Variants in NEK10 observed in about 807,000 individuals in gnomAD.
The protein encoded by NEK10 is NIMA related kinase 10.
In NEK10, 122 loss-of-function variants were observed where a neutral mutation model predicts 159.8. That is an observed-to-expected ratio of 0.76 (90% confidence interval 0.66 to 0.89). NEK10 has a LOEUF of 0.89. NEK10 is among the 40% of genes least tolerant of loss of function. The pLI is 0.00. For synonymous variants in NEK10, 466 were observed against 457.1 expected, an observed-to-expected ratio of 1.02 and a Z score of -0.25; for missense variants, 1,342 against 1,323.1, an observed-to-expected ratio of 1.01 and a Z score of -0.22.
intron 26 of NEK10, among the ~76,000 whole-genome samples, chr3:27,191,629 T>C (rs1244780071): frequency 6.6e-6 from 1 of 152,194 alleles, no homozygotes; most frequent in Non-Finnish European, 1.5e-5. Context: ...CAAAGTACAA[T>C]ACGAAAAATT....
chr3:27,194,031 G>T (rs150871371), intron 25 of NEK10: 3 of 152,068 alleles, frequency 2.0e-5, no homozygotes, highest in African/African-American at 7.2e-5. Context: ...TTTGGCCATA[G>T]ACTTTTGGAT....
chr3:27,285,592 A>G (rs1450934342), intron 20 of NEK10, among the ~76,000 whole-genome samples: 2 of 152,144 alleles, frequency 1.3e-5, no homozygotes, highest in East Asian at 3.9e-4. Context: ...TTACAGATAC[A>G]GAGAACTTCA....
chr3:27,113,981 T>G (rs113859232), intron 35 of NEK10, among the ~76,000 whole-genome samples: 1,879 of 152,228 alleles, frequency 0.012, 39 homozygotes, highest in African/African-American at 0.043. Context: ...CAAGGGCACT[T>G]GAAATAATGA....
chr3:27,111,149 T>C lies in NEK10; in HGVS notation c.*123A>G, dbSNP rs1185526864. 8 of 819,904 alleles carry C rather than the reference T, an allele frequency of 9.8e-6. No homozygotes were observed. Among genetic ancestry groups the C allele is most frequent in the South Asian group, 3.6e-5 (2 of 54,876 alleles). The allele number at this position is 819,904 out of a possible 1,614,324, so 50.8% of individuals were successfully genotyped here. Reference sequence around the variant, plus strand: ...CCAGAAAGAAGTCCTGCAGGCCCCATGGCATCTTGGTCTTTTCCACACCCT... The same window carrying C: ...CCAGAAAGAAGTCCTGCAGGCCCCACGGCATCTTGGTCTTTTCCACACCCT... On this transcript the variant is annotated 3_prime_UTR_variant, in exon 36 of 36. Coordinates refer to ENST00000691995, the MANE Select transcript of NEK10 (RefSeq NM_001394966.1).
intron 32 of NEK10, among the ~76,000 whole-genome samples, chr3:27,127,891 T>C (rs1200505226): frequency 6.6e-6 from 1 of 152,086 alleles, no homozygotes; most frequent in Non-Finnish European, 1.5e-5. Flanking sequence ...CTTCCCTTCT[T>C]CTCTCCTCCT....
At chr3:27,229,254 C>T (rs1159222679) in intron 23 of NEK10, among the ~76,000 whole-genome samples, 1 of 152,102 alleles carries the variant, frequency 6.6e-6, no homozygotes, top group East Asian at 1.9e-4. Flanking sequence ...CTTAGGAACT[C>T]ATACAGAGTC....
intron 26 of NEK10, among the ~76,000 whole-genome samples, chr3:27,185,516 C>T (rs1393942980): frequency 1.3e-5 from 2 of 152,154 alleles, no homozygotes; most frequent in Non-Finnish European, 2.9e-5. Context: ...GAGATTCAGC[C>T]TGTGGAAAAC....
chr3:27,130,717 A>G (rs1248200238), intron 32 of NEK10, among the ~76,000 whole-genome samples: 1 of 152,238 alleles, frequency 6.6e-6, no homozygotes, highest in Non-Finnish European at 1.5e-5. Context: ...ACCAAGCAAC[A>G]TATTATCTTT....
At chr3:27,256,168 T>C (rs1575469313) in intron 23 of NEK10, 128 bp downstream of exon 23, 1 of 457,078 alleles carries the variant, frequency 2.2e-6, no homozygotes, top group South Asian at 5.9e-5. Context: ...ATTACCTAGA[T>C]AATTGAAAAA....
At chr3:27,344,731 T>C (rs916934759) in intron 4 of NEK10, among the ~76,000 whole-genome samples, 8 of 152,226 alleles carry the variant, frequency 5.3e-5, no homozygotes, top group Non-Finnish European at 5.9e-5. Flanking sequence ...GCACATTATT[T>C]AGACAGCTGT....
chr3:27,135,802 C>T (rs1943132308), intron 31 of NEK10, among the ~76,000 whole-genome samples: 4 of 152,180 alleles, frequency 2.6e-5, no homozygotes, highest in Non-Finnish European at 5.9e-5. Flanking sequence ...CTGAAAATGG[C>T]AGTCAATTTA....
intron 22 of NEK10, among the ~76,000 whole-genome samples, chr3:27,258,326 C>A (rs1386133939): frequency 1.3e-5 from 2 of 151,468 alleles, no homozygotes; most frequent in African/African-American, 2.4e-5. Context: ...CCCAGTAACT[C>A]GTCATTTAAC....
chr3:27,144,197 T>C (rs929944741), intron 30 of NEK10, among the ~76,000 whole-genome samples: 1 of 152,176 alleles, frequency 6.6e-6, no homozygotes, highest in Admixed American at 6.5e-5. Context: ...GTACAATTTA[T>C]TTTTTTCACT....
intron 23 of NEK10, chr3:27,252,239 A>T (rs1406708721): frequency 2.0e-6 from 1 of 501,176 alleles, no homozygotes; most frequent in Non-Finnish European, 4.0e-6. Flanking sequence ...ATGAAAAAAT[A>T]AAGCAGTCTG....
chr3:27,108,251 C>A lies in NEK10; in HGVS notation c.*3021G>T, dbSNP rs1053214991. On this transcript the variant is annotated 3_prime_UTR_variant, in exon 36 of 36. Coordinates refer to ENST00000691995, the MANE Select transcript of NEK10 (RefSeq NM_001394966.1). ...TCTGTAAACACTGCCTAATGCCATA[C>A]AAGTGTCCACAATAAACAAGCAGCA... Among the ~76,000 whole-genome samples the A allele has an allele frequency of 3.0e-4, 46 of 152,196 alleles. No individual in the cohort carries two copies. The highest frequency in any genetic ancestry group is 5.7e-4 in the Non-Finnish European group (39 of 68,042).
intron 23 of NEK10, among the ~76,000 whole-genome samples, chr3:27,234,766 T>C (rs1559662091): frequency 1.3e-5 from 2 of 152,032 alleles, no homozygotes; most frequent in Non-Finnish European, 2.9e-5. Flanking sequence ...AAAAGCTATT[T>C]TAAAATTCAT....
rs142635184 is a variant in NEK10 at position 27,163,573 on chromosome 3, C to T, written c.2832-835G>A. Among the ~76,000 whole-genome samples the T allele has an allele frequency of 5.0e-3, 757 of 151,984 alleles. 5 individuals carry two copies. The highest frequency in any genetic ancestry group is 8.9e-3 in the Non-Finnish European group (605 of 67,972). On this transcript the variant is annotated intron_variant, in intron 29 of 35. Coordinates refer to ENST00000691995, the MANE Select transcript of NEK10 (RefSeq NM_001394966.1). ...TTCACCATGTTAGCCAGGATGGTCT[C>T]GATCTCCTGACGTCATGATCCACCT...
chr3:27,188,977 G>A (rs1463461939), intron 26 of NEK10, among the ~76,000 whole-genome samples: 5 of 152,084 alleles, frequency 3.3e-5, no homozygotes, highest in South Asian at 2.1e-4. Flanking sequence ...CATGGATAAC[G>A]ATTTTCACTA....
intron 32 of NEK10, among the ~76,000 whole-genome samples, chr3:27,123,524 T>C (rs1270182197): frequency 6.6e-6 from 1 of 152,224 alleles, no homozygotes; most frequent in Non-Finnish European, 1.5e-5. Flanking sequence ...TAATTTAGTA[T>C]TTTTAATCAA....
Sources: allele counts gnomAD v4.1 joint callset (sites outside exome capture counted in the v4.1 genomes callset), GRCh38; gene constraint gnomAD v4.1.1; transcripts MANE v1.5; gene names NCBI Gene and HGNC (gene_info 2026-07-23, HGNC 2026-07-21).